The following NPRL3 variants were observed in gnomAD, a reference collection of about 807,000 sequenced individuals.
NPRL3 encodes GATOR1 complex protein NPRL3.
In NPRL3, 23 loss-of-function variants were observed where a neutral mutation model predicts 57.2. The observed-to-expected ratio is 0.40, with a 90% CI of 0.29 to 0.57. The LOEUF (loss-of-function observed/expected upper bound fraction) is 0.57. NPRL3 is among the 20% of genes least tolerant of loss of function. The pLI is 0.42. For missense variants in NPRL3, 691 were observed against 767.1 expected (o/e 0.90, Z 1.17); for synonymous variants, 333 against 321.1 (o/e 1.04, Z -0.39).
In NPRL3 at chr16:138,263, C is replaced by T. The variant is rs752487586; in HGVS notation, c.5G>A (p.Arg2Gln). The T allele has an allele frequency of 2.5e-6, 4 of 1,597,634 alleles. No homozygotes were observed. The highest frequency in any genetic ancestry group is 1.3e-5 in the African/African-American group (1 of 74,406). The change falls in exon 2 of 14, where the codon CGG becomes CAG. Residue 2 changes from arginine (R) to glutamine (Q), a missense_variant. Transcript: ENST00000611875. MRDNTSPISVIL... is the reference protein window; with the variant it reads MQDNTSPISVIL... ...CACGCTGATGGGGCTGGTGTTGTCC[C>T]GCATCCCGCCGTGGGGCCGGGGCCG...
chr16:100,871 T>G (rs1899264327), intron 7 of NPRL3, among the ~76,000 whole-genome samples: 1 of 142,068 alleles, frequency 7.0e-6, no homozygotes, highest in Admixed American at 7.8e-5. Flanking sequence ...CTCGGGAGGC[T>G]GAGGCAGGAG....
At chr16:101,783 G>A (rs1036791812) in intron 7 of NPRL3, among the ~76,000 whole-genome samples, 2 of 152,210 alleles carry the variant, frequency 1.3e-5, no homozygotes, top group Admixed American at 6.5e-5. Context: ...TCAGGGCCCT[G>A]GCATTTGCCC....
Position 85,687 on chromosome 16 carries a change from G to A in NPRL3, c.*1018C>T, listed in dbSNP as rs755621478. 2 of 1,556,106 alleles carry A rather than the reference G, an allele frequency of 1.3e-6. No individual in the cohort carries two copies. The highest frequency in any genetic ancestry group is 1.7e-6 in the Non-Finnish European group (2 of 1,148,142). ...GGGTGGGCGTCGGCCATGCAGGGGA[G>A]TGGGCCCGGAAACCCCTCCGCTTCT... On this transcript the variant is annotated 3_prime_UTR_variant, in exon 14 of 14. Coordinates refer to ENST00000611875, the MANE Select transcript of NPRL3 (RefSeq NM_001077350.3).
At chr16:106,181 C>T (rs907526754) in intron 7 of NPRL3, among the ~76,000 whole-genome samples, 3 of 152,018 alleles carry the variant, frequency 2.0e-5, no homozygotes, top group African/African-American at 7.3e-5. Flanking sequence ...TGGTGGCAGG[C>T]GCCGTAATCC....
chr16:131,627 A>C (rs1247816970), intron 2 of NPRL3, among the ~76,000 whole-genome samples: 2 of 150,542 alleles, frequency 1.3e-5, no homozygotes, highest in African/African-American at 4.9e-5. Context: ...AAACGCTAAC[A>C]ATCAGCTCAG....
At chr16:111,880 TTCTC>T (rs760870817) in intron 6 of NPRL3, among the ~76,000 whole-genome samples, 2 of 152,252 alleles carry the variant, frequency 1.3e-5, no homozygotes, top group East Asian at 3.8e-4. Context: ...TTGTTCCTAA[TTCTC>T]TCTTTTGTTA....
intron 3 of NPRL3, chr16:123,498 C>G (rs943947706): frequency 8.5e-6 from 4 of 471,038 alleles, no homozygotes; most frequent in Non-Finnish European, 1.8e-5. Flanking sequence ...GGAGAGGTCT[C>G]GGTCTTACCC....
intron 12 of NPRL3, 100 bp downstream of exon 12, chr16:89,613 G>T: frequency 8.8e-7 from 1 of 1,133,176 alleles, no homozygotes; most frequent in Middle Eastern, 3.0e-4. Flanking sequence ...CAGCTGTGTG[G>T]AGGCCCCTCA....
chr16:135,583 T>C (rs549317090), intron 2 of NPRL3, among the ~76,000 whole-genome samples: 16 of 123,678 alleles, frequency 1.3e-4, no homozygotes, highest in African/African-American at 5.2e-4. Flanking sequence ...CACTCCAGCC[T>C]GGGCAACAGA....
At chr16:94,135 G>A (rs997453995) in intron 9 of NPRL3, among the ~76,000 whole-genome samples, 2 of 151,910 alleles carry the variant, frequency 1.3e-5, no homozygotes, top group African/African-American at 4.8e-5. Flanking sequence ...ATACCCAAAG[G>A]CCCCAGGTCT....
intron 13 of NPRL3, among the ~76,000 whole-genome samples, 183 bp downstream of exon 13, chr16:88,515 A>G (rs1204847562): frequency 6.6e-6 from 1 of 152,152 alleles, no homozygotes; most frequent in Non-Finnish European, 1.5e-5. Context: ...TCTTGGTGAC[A>G]AGCCGAACCC....
intron 5 of NPRL3, among the ~76,000 whole-genome samples, chr16:114,318 T>C (rs1293050707): frequency 1.3e-5 from 2 of 152,202 alleles, no homozygotes; most frequent in African/African-American, 4.8e-5. Flanking sequence ...GTGAGGGACA[T>C]GCTGAGAAAG....
chr16:124,550 C>G (rs1311503167), intron 3 of NPRL3, among the ~76,000 whole-genome samples: 1 of 151,970 alleles, frequency 6.6e-6, no homozygotes, highest in Non-Finnish European at 1.5e-5. Flanking sequence ...GACAAGAAAT[C>G]GCCTACCGAG....
intron 7 of NPRL3, among the ~76,000 whole-genome samples, chr16:109,991 C>T (rs1328677073): frequency 2.2e-5 from 1 of 46,320 alleles, no homozygotes; most frequent in Non-Finnish European, 3.9e-5. Flanking sequence ...AAAAAACAGC[C>T]ACTGGCCGGG....
At chr16:97,592 C>T (rs559952451) in intron 9 of NPRL3, among the ~76,000 whole-genome samples, 20 of 152,078 alleles carry the variant, frequency 1.3e-4, no homozygotes, top group Admixed American at 9.2e-4. Context: ...TCCATCTAAT[C>T]AGAAAGGGCA....
At chr16:109,961 C>A (rs909169624) in intron 7 of NPRL3, among the ~76,000 whole-genome samples, 9 of 151,720 alleles carry the variant, frequency 5.9e-5, no homozygotes, top group Admixed American at 3.3e-4. Flanking sequence ...GCAGAGTGCA[C>A]CCTACTCAGC....
chr16:136,647 G>T (rs1901097900), intron 2 of NPRL3, among the ~76,000 whole-genome samples: 1 of 147,704 alleles, frequency 6.8e-6, no homozygotes, highest in Non-Finnish European at 1.5e-5. Flanking sequence ...CCGAGATCAC[G>T]CCACTGCACT....
At position 92,596 on chromosome 16, in the gene NPRL3, C is replaced by T; in HGVS notation, c.1161G>A (p.Glu387=). 9.3e-6 allele frequency: 15 copies of T among 1,613,038 alleles called. No individual in the cohort carries two copies. The highest frequency in any genetic ancestry group is 1.3e-5 in the Non-Finnish European group (15 of 1,179,564). The change falls in exon 11 of 14, where the codon GAG becomes GAA. Residue 387 remains glutamate (E), a splice_region_variant and synonymous_variant. Transcript: ENST00000611875. ...FRNPLAPAVQ[E]TQLIQMVVWM... ...GGCTCCTTGAGCTTCTGTGACTCACCTCCTGCACAGCGGGGGCCAGGGGAT... is the reference window on the plus strand; with the variant it reads ...GGCTCCTTGAGCTTCTGTGACTCACTTCCTGCACAGCGGGGGCCAGGGGAT...
At chr16:88,936 C>T (rs1483640416) in intron 12 of NPRL3, 46 bp from the exon 13 acceptor site, 1 of 1,569,408 alleles carries the variant, frequency 6.4e-7, no homozygotes, top group East Asian at 2.3e-5. Flanking sequence ...TTCCAGGACA[C>T]CCAGGGGAAC....
Sources: allele counts gnomAD v4.1 joint callset (sites outside exome capture counted in the v4.1 genomes callset), GRCh38; gene constraint gnomAD v4.1.1; transcripts MANE v1.5; gene names NCBI Gene and HGNC (gene_info 2026-07-23, HGNC 2026-07-21).